Variants in ROBO2 observed in about 807,000 individuals in gnomAD.
ROBO2 encodes the protein roundabout homolog 2.
Under a neutral mutation model 160.8 loss-of-function variants are expected in ROBO2, and 53 were observed. The observed-to-expected ratio is 0.33, with a 90% CI of 0.26 to 0.41. The LOEUF is 0.41. Ranked by LOEUF, ROBO2 falls within the 10% of genes least tolerant of loss-of-function variation. ROBO2 has a pLI of 1.00. For synonymous variants in ROBO2, 664 were observed against 611.7 expected, an observed-to-expected ratio of 1.09 and a Z score of -1.26; for missense variants, 1,577 against 1,722.4, an observed-to-expected ratio of 0.92 and a Z score of 1.49.
chr3:76,449,721 G>A (rs2077379158), intron 2 of ROBO2, among the ~76,000 whole-genome samples: 2 of 152,110 alleles, frequency 1.3e-5, no homozygotes, highest in Non-Finnish European at 2.9e-5. Flanking sequence ...CTGCATCAGT[G>A]AAACTAAATT....
Position 76,312,896 on chromosome 3 carries a change from TGTTCCTAAGC to T in ROBO2, c.109+375295_109+375304del, listed in dbSNP as rs1210319558. 2.0e-5 allele frequency among the ~76,000 whole-genome samples: 3 copies of T among 152,358 alleles called. No homozygotes were observed. The East Asian group carries it at 5.8e-4, about 29-fold the overall frequency. On this transcript the variant is annotated intron_variant, in intron 2 of 26. Coordinates refer to the ROBO2 transcript ENST00000487694. ...AAGGTTTATTTAAAATGCTTGTGTG[TGTTCCTAAGC>T]ATGTATTCATTTCACACAGCTTTGA...
chr3:76,579,050 C>G (rs2085487269), intron 2 of ROBO2, among the ~76,000 whole-genome samples: 1 of 152,072 alleles, frequency 6.6e-6, no homozygotes, highest in South Asian at 2.1e-4. Context: ...ACTATTCTTC[C>G]CACCTTACTT....
intron 21 of ROBO2, among the ~76,000 whole-genome samples, chr3:77,609,942 A>T (rs1392677989): frequency 3.3e-5 from 5 of 150,664 alleles, no homozygotes; most frequent in African/African-American, 1.2e-4. Flanking sequence ...AGTAATATTG[A>T]CAACAAAATT....
chr3:76,322,587 T>C (rs1576421502), intron 2 of ROBO2, among the ~76,000 whole-genome samples: 1 of 152,132 alleles, frequency 6.6e-6, no homozygotes, highest in East Asian at 1.9e-4. Context: ...GTTAAATAAT[T>C]TGAAAGTGAT....
intron 2 of ROBO2, among the ~76,000 whole-genome samples, chr3:76,790,827 A>T (rs1181475572): frequency 6.6e-6 from 1 of 151,796 alleles, no homozygotes; most frequent in Non-Finnish European, 1.5e-5. Context: ...GGTTAAAAGC[A>T]TGGGCCCTTG....
At chr3:76,400,191 A>C (rs6808688) in intron 2 of ROBO2, among the ~76,000 whole-genome samples, 31,388 of 151,546 alleles carry the variant, frequency 0.21, 4,137 homozygotes, top group African/African-American at 0.37. Context: ...AAATTGAATA[A>C]AAAATTGCAT....
At chr3:76,949,561 T>TATTTCC (rs2149167969) in intron 2 of ROBO2, among the ~76,000 whole-genome samples, 1 of 152,276 alleles carries the variant, frequency 6.6e-6, no homozygotes, top group South Asian at 2.1e-4. Flanking sequence ...GCTTCTCCCC[T>TATTTCC]GTTTCCGGTG....
At chr3:76,038,249 C>G (rs1224986768) in intron 2 of ROBO2, among the ~76,000 whole-genome samples, 4 of 151,832 alleles carry the variant, frequency 2.6e-5, no homozygotes, top group Admixed American at 6.6e-5. Flanking sequence ...TTACTTCAGT[C>G]TATCATTATT....
chr3:76,429,084 T>C (rs2076333119), intron 2 of ROBO2, among the ~76,000 whole-genome samples: 1 of 152,132 alleles, frequency 6.6e-6, no homozygotes. Flanking sequence ...TATATACCTA[T>C]CATGTATTAA....
At chr3:76,128,314 A>T (rs951316136) in intron 2 of ROBO2, among the ~76,000 whole-genome samples, 1 of 152,118 alleles carries the variant, frequency 6.6e-6, no homozygotes, top group Non-Finnish European at 1.5e-5. Flanking sequence ...CCTTTACAGC[A>T]AGGAGCTCTC....
intron 2 of ROBO2, among the ~76,000 whole-genome samples, chr3:76,554,397 G>A (rs373773905): frequency 2.0e-5 from 3 of 152,074 alleles, no homozygotes; most frequent in South Asian, 2.1e-4. Context: ...GGTTGTTTAC[G>A]CTTTTTTGTT....
At chr3:76,214,643 G>C (rs918715021) in intron 2 of ROBO2, among the ~76,000 whole-genome samples, 2 of 152,194 alleles carry the variant, frequency 1.3e-5, no homozygotes, top group African/African-American at 4.8e-5. Flanking sequence ...TGAGGCTTGA[G>C]TAGGTAAACA....
At chr3:76,296,914 C>T (rs1438927592) in intron 2 of ROBO2, among the ~76,000 whole-genome samples, 2 of 152,152 alleles carry the variant, frequency 1.3e-5, no homozygotes, top group African/African-American at 2.4e-5. Flanking sequence ...ACATTAATAG[C>T]TCATTAATTA....
chr3:76,326,393 T>C (rs1023192633), intron 2 of ROBO2, among the ~76,000 whole-genome samples: 3 of 152,146 alleles, frequency 2.0e-5, no homozygotes, highest in African/African-American at 7.2e-5. Context: ...GATAGGCAGA[T>C]AAATGGATGA....
At chr3:76,881,771 A>C (rs1281783049) in intron 2 of ROBO2, among the ~76,000 whole-genome samples, 1 of 152,160 alleles carries the variant, frequency 6.6e-6, no homozygotes, top group Non-Finnish European at 1.5e-5. Flanking sequence ...GTGGCATCTA[A>C]ATGGGGCCCT....
chr3:76,412,083 G>C lies in ROBO2; in HGVS notation c.109+474481G>C, dbSNP rs559189734. Among the ~76,000 whole-genome samples, 9 of 152,230 alleles carry C rather than the reference G, an allele frequency of 5.9e-5. No homozygotes were observed. The East Asian group carries it at 1.7e-3, about 29-fold the overall frequency. On this transcript the variant is annotated intron_variant, in intron 2 of 26. Transcript: ENST00000487694. ...TCAGAATCATGGCAGGAAGTGAAAG[G>C]CACTTCTGACATGGCGGTGGCAAGA... is the stretch of plus-strand genomic sequence containing the variant.
At chr3:77,203,233 A>T (rs951852385) in intron 2 of ROBO2, among the ~76,000 whole-genome samples, 1 of 152,230 alleles carries the variant, frequency 6.6e-6, no homozygotes, top group Admixed American at 6.5e-5. Context: ...GATTTGTAAA[A>T]TATTTTTTGC....
intron 2 of ROBO2, among the ~76,000 whole-genome samples, chr3:77,336,276 TCAGA>T (rs532461575): frequency 6.6e-6 from 1 of 152,246 alleles, no homozygotes; most frequent in Non-Finnish European, 1.5e-5. Context: ...GACTGAATAG[TCAGA>T]CAGAAGGCAG....
intron 2 of ROBO2, among the ~76,000 whole-genome samples, chr3:77,009,723 G>C (rs1412029168): frequency 1.3e-5 from 2 of 151,856 alleles, no homozygotes; most frequent in African/African-American, 4.8e-5. Context: ...TTTGGGGAGG[G>C]TCGCCTGAGG....
Sources: gnomAD v4.1 joint callset for allele counts (sites outside exome capture counted in the v4.1 genomes callset) on GRCh38, gnomAD v4.1.1 for gene constraint, MANE v1.5 for transcripts, NCBI Gene and HGNC (gene_info 2026-07-23, HGNC 2026-07-21) for gene names.